PPARGC1A: variants seen among roughly 807,000 people sequenced by gnomAD.
PPARGC1A encodes the protein peroxisome proliferator-activated receptor gamma coactivator 1-alpha.
Under a neutral mutation model 88.7 loss-of-function variants are expected in PPARGC1A, and 25 were observed. The ratio of observed to expected loss-of-function variants is 0.28; its 90% CI spans 0.21 to 0.39. PPARGC1A has a LOEUF of 0.39. Ranked by LOEUF, PPARGC1A falls within the 10% of genes least tolerant of loss-of-function variation. The pLI is 1.00. For synonymous variants in PPARGC1A, 363 were observed against 355.6 expected (o/e 1.02, Z -0.24); for missense variants, 880 against 968.7 (o/e 0.91, Z 1.22).
At chr4:24,082,417 C>G in the PPARGC1A span, among the ~76,000 whole-genome samples, 1 of 152,140 alleles carries the variant, frequency 6.6e-6, no homozygotes, top group Admixed American at 6.5e-5. Flanking sequence ...CTTTTTCCCT[C>G]AGTCCCTTTG....
At chr4:23,818,249 C>T (rs1722340576) in intron 7 of PPARGC1A, among the ~76,000 whole-genome samples, 2 of 152,134 alleles carry the variant, frequency 1.3e-5, no homozygotes, top group Non-Finnish European at 2.9e-5. Flanking sequence ...CAGGTTTTGA[C>T]AGATTTATGT....
intron 2 of PPARGC1A, chr4:23,866,023 GT>G (rs1054840947): frequency 7.9e-5 from 12 of 152,256 alleles, no homozygotes; most frequent in African/African-American, 2.4e-4. Context: ...TGATGAAGTT[GT>G]TTGTATACAC....
chr4:23,947,059 C>A, the PPARGC1A span, among the ~76,000 whole-genome samples: 1 of 151,950 alleles, frequency 6.6e-6, no homozygotes, highest in Non-Finnish European at 1.5e-5. Flanking sequence ...TGTGACAATT[C>A]TCTGTCTTAC....
chr4:24,028,815 T>G, the PPARGC1A span, among the ~76,000 whole-genome samples: 1 of 152,214 alleles, frequency 6.6e-6, no homozygotes, highest in Non-Finnish European at 1.5e-5. Context: ...CAGATAAGTA[T>G]GAAATTGACA....
At chr4:23,815,887 C>T (rs1400819120) in intron 7 of PPARGC1A, among the ~76,000 whole-genome samples, 1 of 151,992 alleles carries the variant, frequency 6.6e-6, no homozygotes, top group Non-Finnish European at 1.5e-5. Flanking sequence ...AAAATGCTAC[C>T]TTGCTGGAAA....
intron 2 of PPARGC1A, among the ~76,000 whole-genome samples, chr4:23,849,123 G>A (rs1408509444): frequency 6.6e-6 from 1 of 152,154 alleles, no homozygotes; most frequent in South Asian, 2.1e-4. Context: ...CAGCCTGGGC[G>A]ACAGAGTGAG....
At chr4:23,926,119 T>C in the PPARGC1A span, among the ~76,000 whole-genome samples, 2 of 152,212 alleles carry the variant, frequency 1.3e-5, no homozygotes, top group Non-Finnish European at 2.9e-5. Flanking sequence ...TTGCTTATTC[T>C]TCTCAGTCTT....
At chr4:24,098,050 GA>G in the PPARGC1A span, among the ~76,000 whole-genome samples, 1 of 152,172 alleles carries the variant, frequency 6.6e-6, no homozygotes, top group Non-Finnish European at 1.5e-5. Flanking sequence ...AGTTTGGATA[GA>G]AAAAAGTTGC....
At chr4:24,338,786 C>T in the PPARGC1A span, among the ~76,000 whole-genome samples, 3 of 151,272 alleles carry the variant, frequency 2.0e-5, no homozygotes, top group Non-Finnish European at 4.4e-5. Flanking sequence ...AACAAAAGCA[C>T]AAAGCTTGAA....
At chr4:24,134,216 G>T in the PPARGC1A span, among the ~76,000 whole-genome samples, 2 of 152,196 alleles carry the variant, frequency 1.3e-5, no homozygotes, top group Non-Finnish European at 2.9e-5. Flanking sequence ...AAGCCAAGTG[G>T]AGTTATCAGA....
At chr4:24,301,105 T>C in the PPARGC1A span, among the ~76,000 whole-genome samples, 1 of 152,196 alleles carries the variant, frequency 6.6e-6, no homozygotes, top group Non-Finnish European at 1.5e-5. Context: ...AAATTCAGCA[T>C]GTATAAAGGA....
At chr4:23,897,364 G>A (rs1005181004) in intron 1 of PPARGC1A, among the ~76,000 whole-genome samples, 1 of 152,186 alleles carries the variant, frequency 6.6e-6, no homozygotes, top group Non-Finnish European at 1.5e-5. Flanking sequence ...AAAGGAAAGT[G>A]CATGGTAAGA....
At chr4:23,803,904 T>C (rs2109361424) in intron 10 of PPARGC1A, among the ~76,000 whole-genome samples, 1 of 152,292 alleles carries the variant, frequency 6.6e-6, no homozygotes, top group East Asian at 1.9e-4. Context: ...ACTGAATGGT[T>C]TTCCTTTTCT....
the PPARGC1A span, among the ~76,000 whole-genome samples, chr4:23,998,108 C>T: frequency 6.6e-6 from 1 of 151,946 alleles, no homozygotes; most frequent in East Asian, 1.9e-4. Flanking sequence ...TCCACATGAC[C>T]CCTGGCAGGT....
chr4:23,898,784 C>T (rs1179128588), intron 1 of PPARGC1A, among the ~76,000 whole-genome samples: 1 of 151,654 alleles, frequency 6.6e-6, no homozygotes, highest in Non-Finnish European at 1.5e-5. Context: ...AATTCTTTCT[C>T]TACCTCTTTT....
chr4:23,857,798 T>C (rs1048596726), intron 2 of PPARGC1A, among the ~76,000 whole-genome samples: 4 of 151,798 alleles, frequency 2.6e-5, no homozygotes, highest in Non-Finnish European at 4.4e-5. Flanking sequence ...CTATTGACAT[T>C]TGAATCGTGA....
the PPARGC1A span, among the ~76,000 whole-genome samples, chr4:24,166,284 T>G: frequency 6.6e-6 from 1 of 152,200 alleles, no homozygotes; most frequent in Non-Finnish European, 1.5e-5. Flanking sequence ...GTTCATGAGG[T>G]TTAAAGAAAG....
chr4:24,351,228 AT>A, the PPARGC1A span, among the ~76,000 whole-genome samples: 2 of 7,174 alleles, frequency 2.8e-4, no homozygotes, highest in East Asian at 0.015. Flanking sequence ...AAACCCTTGT[AT>A]TTAAAAAAAA....
the PPARGC1A span, among the ~76,000 whole-genome samples, chr4:24,138,208 C>G: frequency 7.5e-4 from 115 of 152,342 alleles, no homozygotes; most frequent in African/African-American, 2.7e-3. Flanking sequence ...ACAGGGCCAC[C>G]TGGTCATGCA....
Sources: gnomAD v4.1 joint callset for allele counts (sites outside exome capture counted in the v4.1 genomes callset) on GRCh38, gnomAD v4.1.1 for gene constraint, MANE v1.5 for transcripts, NCBI Gene and HGNC (gene_info 2026-07-23, HGNC 2026-07-21) for gene names.